The following ADARB2 variants were observed in gnomAD, a reference collection of about 807,000 sequenced individuals.
The protein encoded by ADARB2 is adenosine deaminase RNA specific B2 (inactive), also known as inactive double-stranded RNA-specific editase B2.
ADARB2 carries 25 observed loss-of-function variants against 62.2 expected under a neutral mutation model. The observed-to-expected ratio is 0.40, with a 90% CI of 0.29 to 0.56. ADARB2 has a LOEUF of 0.56. Among genes scored for constraint, ADARB2 ranks in the 20% least tolerant of loss-of-function variants. The probability of loss-of-function intolerance (pLI) is 0.43; values close to 1 mark genes in which losing one functional copy is unlikely to be tolerated. For synonymous variants in ADARB2, 572 were observed against 500.8 expected, an observed-to-expected ratio of 1.14 and a Z score of -1.90; for missense variants, 1,071 against 1,077.4, an observed-to-expected ratio of 0.99 and a Z score of 0.08.
intron 1 of ADARB2, among the ~76,000 whole-genome samples, chr10:1,634,467 G>A (rs559673750): frequency 2.0e-5 from 3 of 152,238 alleles, no homozygotes; most frequent in South Asian, 2.1e-4. Flanking sequence ...AGGGGCGGCC[G>A]GCTGGCCCTG....
chr10:1,364,869 T>C (rs1832298991), intron 2 of ADARB2, among the ~76,000 whole-genome samples: 1 of 114,424 alleles, frequency 8.7e-6, no homozygotes, highest in Non-Finnish European at 1.7e-5. Flanking sequence ...CACATTTTGG[T>C]AATTTTTTTT....
At chr10:1,214,072 C>T (rs1837197697) in intron 7 of ADARB2, among the ~76,000 whole-genome samples, 2 of 149,884 alleles carry the variant, frequency 1.3e-5, no homozygotes, top group Admixed American at 1.3e-4. Context: ...GCCGGTGACA[C>T]ATAGGTTTGC....
chr10:1,454,358 G>A (rs898579235), intron 1 of ADARB2, among the ~76,000 whole-genome samples: 3 of 152,146 alleles, frequency 2.0e-5, no homozygotes, highest in Non-Finnish European at 4.4e-5. Flanking sequence ...TAGACCCAAC[G>A]AAATTGAAAG....
intron 1 of ADARB2, among the ~76,000 whole-genome samples, chr10:1,555,970 A>G (rs1832694675): frequency 6.6e-6 from 1 of 152,146 alleles, no homozygotes; most frequent in African/African-American, 2.4e-5. Flanking sequence ...GAAAACATAC[A>G]TGTTGTGCAT....
chr10:1,219,885 GTGATGGTGATAA>G (rs1830668513), intron 6 of ADARB2, among the ~76,000 whole-genome samples: 1 of 148,258 alleles, frequency 6.7e-6, no homozygotes, highest in Non-Finnish European at 1.5e-5. Flanking sequence ...GGTGATGATG[GTGATGGTGATAA>G]TGATGGTAAT....
At chr10:1,713,159 T>C (rs1399353178) in intron 1 of ADARB2, among the ~76,000 whole-genome samples, 2 of 152,152 alleles carry the variant, frequency 1.3e-5, no homozygotes, top group Non-Finnish European at 2.9e-5. Context: ...CGCTCACACC[T>C]GGGTGCCGGC....
intron 1 of ADARB2, among the ~76,000 whole-genome samples, chr10:1,530,269 C>T (rs1160495780): frequency 6.6e-6 from 1 of 152,246 alleles, no homozygotes; most frequent in Non-Finnish European, 1.5e-5. Flanking sequence ...CCTCCTGGCA[C>T]CCAGGTGAAG....
At chr10:1,264,108 A>G (rs1392249856) in intron 4 of ADARB2, among the ~76,000 whole-genome samples, 1 of 152,142 alleles carries the variant, frequency 6.6e-6, no homozygotes, top group Non-Finnish European at 1.5e-5. Flanking sequence ...CCACAGAGAC[A>G]CAGCATCAGC....
chr10:1,723,421 C>A (rs1346871973), intron 1 of ADARB2, among the ~76,000 whole-genome samples: 2 of 152,130 alleles, frequency 1.3e-5, no homozygotes, highest in South Asian at 2.1e-4. Context: ...AGGGACCAGG[C>A]TCTGATTCAG....
rs558608158 is a variant in ADARB2, at chr10:1,553,975, C to T, written c.101-174815G>A. ...GCCTGTAAACCGGAGTCCAGAAAGT[C>T]GGCTGGTGGAGGCTGTGCAGGGTTG... On this transcript the variant is annotated intron_variant, in intron 1 of 9. Transcript: ENST00000381312. Among the ~76,000 whole-genome samples, 274 of 152,328 alleles carry T rather than the reference C, an allele frequency of 1.8e-3. 3 individuals are homozygous for T. Among genetic ancestry groups the T allele is most frequent in the African/African-American group, 6.4e-3 (266 of 41,596 alleles).
At chr10:1,501,626 A>G (rs1831769474) in intron 1 of ADARB2, among the ~76,000 whole-genome samples, 1 of 152,240 alleles carries the variant, frequency 6.6e-6, no homozygotes, top group Non-Finnish European at 1.5e-5. Flanking sequence ...GCAGAAAGCA[A>G]TTCCACAGAG....
chr10:1,658,250 C>G lies in ADARB2; in HGVS notation c.100+78801G>C, dbSNP rs143843378. On this transcript the variant is annotated intron_variant, in intron 1 of 9. Transcript: ENST00000381312. ...TGATTCTCTCTCTCTCTGTATGTCT[C>G]TCTGTCTGATTCTCTCTGTTTTTCT... 9.1e-3 allele frequency among the ~76,000 whole-genome samples: 1,381 copies of G among 151,924 alleles called. 8 individuals carry two copies. Among genetic ancestry groups the G allele is most frequent in the Middle Eastern group, 0.031 (9 of 286 alleles).
intron 1 of ADARB2, among the ~76,000 whole-genome samples, chr10:1,475,480 G>T (rs979784098): frequency 6.6e-6 from 1 of 152,208 alleles, no homozygotes; most frequent in Non-Finnish European, 1.5e-5. Flanking sequence ...AGCAGGGGAG[G>T]GGCCTGGAGT....
intron 1 of ADARB2, among the ~76,000 whole-genome samples, chr10:1,682,611 C>T (rs1025149333): frequency 2.0e-5 from 3 of 152,140 alleles, no homozygotes; most frequent in East Asian, 1.9e-4. Flanking sequence ...AACTGCATCT[C>T]CCACTGCAGT....
intron 1 of ADARB2, among the ~76,000 whole-genome samples, chr10:1,488,241 G>A (rs1831570101): frequency 7.4e-6 from 1 of 135,968 alleles, no homozygotes; most frequent in Non-Finnish European, 1.6e-5. Flanking sequence ...AAAAAAGGAT[G>A]TACAAACATC....
chr10:1,367,833 G>A (rs1476700159), intron 2 of ADARB2, among the ~76,000 whole-genome samples: 2 of 152,350 alleles, frequency 1.3e-5, no homozygotes, highest in East Asian at 1.9e-4. Flanking sequence ...ACGCTTTGCC[G>A]CTAGCTGCGC....
intron 1 of ADARB2, among the ~76,000 whole-genome samples, chr10:1,380,937 C>T (rs953336657): frequency 9.9e-5 from 15 of 152,186 alleles, no homozygotes; most frequent in African/African-American, 3.6e-4. Flanking sequence ...GGGCTACCAG[C>T]CAAACACTCA....
chr10:1,485,306 G>A (rs1201726426), intron 1 of ADARB2, among the ~76,000 whole-genome samples: 2 of 152,070 alleles, frequency 1.3e-5, no homozygotes, highest in African/African-American at 4.8e-5. Context: ...AGGTATGCAG[G>A]TAGATATGTA....
At chr10:1,641,287 A>G (rs887498658) in intron 1 of ADARB2, among the ~76,000 whole-genome samples, 2 of 152,258 alleles carry the variant, frequency 1.3e-5, no homozygotes, top group African/African-American at 4.8e-5. Context: ...ATAAGCTCCA[A>G]TCAAAGCAAC....
Sources: gnomAD v4.1 joint callset for allele counts (sites outside exome capture counted in the v4.1 genomes callset) on GRCh38, gnomAD v4.1.1 for gene constraint, MANE v1.5 for transcripts, NCBI Gene and HGNC (gene_info 2026-07-23, HGNC 2026-07-21) for gene names.